Variants in DISP2 observed in about 807,000 individuals in gnomAD.
DISP2 encodes dispatched RND transporter family member 2.
A neutral mutation model predicts 95.5 loss-of-function variants in DISP2; 59 were observed. The observed-to-expected ratio is 0.62, with a 90% CI of 0.50 to 0.77. DISP2 has a LOEUF of 0.77. Ranked by LOEUF, DISP2 falls within the 30% of genes least tolerant of loss-of-function variation. The pLI is 0.00. For synonymous variants in DISP2, 827 were observed against 815.0 expected (o/e 1.01, Z -0.25); for missense variants, 1,752 against 1,854.6 (o/e 0.94, Z 1.02).
intron 6 of DISP2, 133 bp from the exon 7 acceptor site, chr15:40,365,495 A>G: frequency 7.8e-7 from 1 of 1,281,026 alleles, no homozygotes; most frequent in Non-Finnish European, 1.1e-6. Flanking sequence ...GGACAGGATC[A>G]GGCAGTCCAT....
intron 7 of DISP2, 109 bp from the exon 8 acceptor site, chr15:40,366,949 T>C (rs1329346252): frequency 7.1e-7 from 1 of 1,411,980 alleles, no homozygotes; most frequent in Admixed American, 2.2e-5. Flanking sequence ...GATCCCTCTC[T>C]GCGCTTGCCC....
chr15:40,369,495 C>T lies in DISP2; in HGVS notation c.3383C>T (p.Ala1128Val), dbSNP rs1385966578. The T allele has an allele frequency of 6.2e-7, 1 of 1,613,188 alleles. No homozygotes were observed. Among genetic ancestry groups the T allele is most frequent in the East Asian group, 2.2e-5 (1 of 44,886 alleles). ...KNCGQILWPC[A>V]HLPWDAGTGD... is the part of the protein sequence containing the mutation. ...TGTGGGCAGATCCTCTGGCCCTGTG[C>T]CCACCTGCCATGGGATGCTGGTACT... Residue 1128 changes from alanine to valine, a missense_variant, in exon 8 of 8, where the codon GCC becomes GTC. Physicochemically the swap from Ala to Val is moderately conservative, Grantham distance 64. Transcript: ENST00000267889.
Position 40,367,491 on chromosome 15 carries a change from G to A in DISP2, c.1379G>A (p.Trp460Ter). The change falls in exon 8 of 8, where the codon TGG becomes TAG. Residue 460 changes from tryptophan to a stop codon, truncating the protein, a stop_gained. Coordinates refer to ENST00000267889, the MANE Select transcript of DISP2 (RefSeq NM_033510.3). LOFTEE classifies it high-confidence loss of function. ...TACCTGGACCGGCTGGCCACCCCCT[G>A]GGGGCTTGCTGACAACTACACCTCT... ...DIYLDRLATP[W>*]GLADNYTSVT... 1.2e-6 allele frequency: 2 copies of A among 1,613,644 alleles called. No individual in the cohort carries two copies. Among genetic ancestry groups the A allele is most frequent in the Non-Finnish European group, 1.7e-6 (2 of 1,179,962 alleles).
At chr15:40,363,500 G>T in intron 1 of DISP2, 125 bp from the exon 2 acceptor site, 1 of 716,246 alleles carries the variant, frequency 1.4e-6, no homozygotes, top group South Asian at 2.3e-5. Flanking sequence ...TTCTCCCCCA[G>T]GACTAATAAA....
Position 40,367,497 on chromosome 15 carries a change from T to C in DISP2, c.1385T>C (p.Leu462Pro), listed in dbSNP as rs1288522190. Reference protein sequence around the residue: ...YLDRLATPWGLADNYTSVTGM... With the variant: ...YLDRLATPWGPADNYTSVTGM... ...GACCGGCTGGCCACCCCCTGGGGGC[T>C]TGCTGACAACTACACCTCTGTCACT... The change falls in exon 8 of 8, where the codon CTT (leucine) becomes CCT (proline). Residue 462 changes from leucine (L) to proline (P), a missense_variant. Transcript: ENST00000267889. The C allele has an allele frequency of 1.9e-6, 3 of 1,613,736 alleles. No homozygotes were observed. Among genetic ancestry groups the C allele is most frequent in the South Asian group, 2.2e-5 (2 of 91,072 alleles).
rs763603783 is a variant in DISP2 at position 40,368,333 on chromosome 15, C to A, written c.2221C>A (p.Arg741=). The A allele has an allele frequency of 1.2e-6, 2 of 1,603,548 alleles. No individual in the cohort carries two copies. Among genetic ancestry groups the A allele is most frequent in the Admixed American group, 1.7e-5 (1 of 59,740 alleles). The part of the protein sequence containing the change: ...TLPPPGGQVF[R]PSHPFERFDA... ...GCCGCCGCCCGGCGGCCAGGTCTTC[C>A]GGCCCAGCCACCCCTTCGAGCGCTT... Residue 741 remains arginine (R), a synonymous_variant, in exon 8 of 8, where the codon CGG becomes AGG. Transcript: ENST00000267889.
rs1332774882 is a variant in DISP2, at chr15:40,372,827, G to A, written c.*2509G>A. ...CCACTGAAATGTTAGAATGCAGAGG[G>A]GTGGATGGGTGGGCATGAGGGATCT... On this transcript the variant is annotated 3_prime_UTR_variant, in exon 8 of 8. Transcript: ENST00000267889. 6.6e-6 allele frequency: 1 copy of A among 152,210 alleles called. No individual in the cohort carries two copies. 9.4% of individuals were successfully genotyped at this position (152,210 alleles called of 1,614,324 possible).
rs34088794 is a variant in DISP2, at chr15:40,373,219, G to A, written c.*2901G>A. 0.089 allele frequency: 13,502 copies of A among 152,204 alleles called. 818 individuals carry two copies. Among genetic ancestry groups the A allele is most frequent in the Non-Finnish European group, 0.13 (8,617 of 68,006 alleles). 9.4% of individuals were successfully genotyped at this position (152,204 alleles called of 1,614,324 possible). A position where few individuals can be genotyped will look rare whatever the true frequency, so the allele number is the denominator to read the frequency against. On this transcript the variant is annotated 3_prime_UTR_variant, in exon 8 of 8. Transcript: ENST00000267889. The stretch of plus-strand genomic sequence containing the variant: ...CCCTGGAGACATGGCTTACAAGCAC[G>A]CTGTGAGGCGTACAAAAATGAGTCA...
At position 40,378,466 on chromosome 15, in the gene DISP2, C is replaced by T. The variant is rs928003383; in HGVS notation, c.*8148C>T. The T allele has an allele frequency of 6.6e-6, 1 of 151,982 alleles. No homozygotes were observed. The highest frequency in any genetic ancestry group is 2.4e-5 in the African/African-American group (1 of 41,384). The allele number at this position is 151,982 out of a possible 1,614,324, so 9.4% of individuals were successfully genotyped here. ...TAATTTCTAAACTTATCAAATTGTACACTTAAAATATGTGGTCTATGGAAT... is the reference window on the plus strand; with the variant it reads ...TAATTTCTAAACTTATCAAATTGTATACTTAAAATATGTGGTCTATGGAAT... On this transcript the variant is annotated 3_prime_UTR_variant, in exon 8 of 8. Transcript: ENST00000267889.
intron 1 of DISP2, among the ~76,000 whole-genome samples, chr15:40,362,079 T>G (rs1889414511): frequency 6.6e-6 from 1 of 152,182 alleles, no homozygotes; most frequent in Non-Finnish European, 1.5e-5. Context: ...ATGCACAGAG[T>G]ATTGCCCTTA....
chr15:40,377,289 A>C lies in DISP2; in HGVS notation c.*6971A>C, dbSNP rs894910961. The stretch of plus-strand genomic sequence containing the variant: ...CAGTGAGCCGAGATTGCGCCACTGC[A>C]CTCCATCCTGGGCAACAGAGTCTCA... On this transcript the variant is annotated 3_prime_UTR_variant, in exon 8 of 8. Coordinates refer to ENST00000267889, the MANE Select transcript of DISP2 (RefSeq NM_033510.3). The C allele has an allele frequency of 6.7e-6, 1 of 150,110 alleles. No homozygotes were observed. The highest frequency in any genetic ancestry group is 1.5e-5 in the Non-Finnish European group (1 of 67,822). 9.3% of individuals were successfully genotyped at this position (150,110 alleles called of 1,614,324 possible). A position where few individuals can be genotyped will look rare whatever the true frequency, so the allele number is the denominator to read the frequency against.
In DISP2 at chr15:40,368,841, A is replaced by C. The variant is rs1424167053; in HGVS notation, c.2729A>C (p.Asn910Thr). ...GCCCTGGTCCTACAATTCCAGACCA[A>C]CTTCCGGAACAGTCCGGACTACAAC... ...LAALVLQFQTNFRNSPDYNQT... is the reference protein window; with the variant it reads ...LAALVLQFQTTFRNSPDYNQT... The change falls in exon 8 of 8, where the codon AAC becomes ACC. Residue 910 changes from asparagine to threonine, a missense_variant. By Grantham distance (65) the Asn-to-Thr change is moderately conservative. Coordinates refer to ENST00000267889, the MANE Select transcript of DISP2 (RefSeq NM_033510.3). 1 of 1,613,992 alleles carries C rather than the reference A, an allele frequency of 6.2e-7. No homozygotes were observed. The highest frequency in any genetic ancestry group is 8.5e-7 in the Non-Finnish European group (1 of 1,180,042).
In DISP2 at chr15:40,367,931, A is replaced by G. The variant is rs749673495; in HGVS notation, c.1819A>G (p.Ser607Gly). The G allele has an allele frequency of 6.3e-7, 1 of 1,591,614 alleles. No individual in the cohort carries two copies. The highest frequency in any genetic ancestry group is 8.5e-7 in the Non-Finnish European group (1 of 1,176,802). The change falls in exon 8 of 8, where the codon AGC becomes GGC. Residue 607 changes from serine (S) to glycine (G), a missense_variant. By Grantham distance (56) the Ser-to-Gly change is moderately conservative. Transcript: ENST00000267889. ...CACCACGAGCGCGGCCTTCTATGCC[A>G]GCTACCTGAGCCGCCTGCCGGCCGT... ...GLTTSAAFYA[S>G]YLSRLPAVRC...
At position 40,377,060 on chromosome 15, in the gene DISP2, C is replaced by T. The variant is rs1392502942; in HGVS notation, c.*6742C>T. 1 of 152,168 alleles carries T rather than the reference C, an allele frequency of 6.6e-6. No homozygotes were observed. The highest frequency in any genetic ancestry group is 1.5e-5 in the Non-Finnish European group (1 of 68,070). The allele number at this position is 152,168 out of a possible 1,614,324, so 9.4% of individuals were successfully genotyped here. On this transcript the variant is annotated 3_prime_UTR_variant, in exon 8 of 8. Coordinates refer to ENST00000267889, the MANE Select transcript of DISP2 (RefSeq NM_033510.3). ...AGACTGAAGGCTGGGCGTGGTGGCT[C>T]ATGCCTGTAATCCCAACACTTTGGG...
At position 40,368,413 on chromosome 15, in the gene DISP2, C is replaced by T. The variant is rs772384191; in HGVS notation, c.2301C>T (p.Gly767=). 6.2e-7 allele frequency: 1 copy of T among 1,608,760 alleles called. No homozygotes were observed. The highest frequency in any genetic ancestry group is 8.5e-7 in the Non-Finnish European group (1 of 1,179,838). Residue 767 remains glycine (G), a synonymous_variant, in exon 8 of 8, where the codon GGC becomes GGT. Transcript: ENST00000267889. ...TCGAGCAGCTGCCGCAGGGCGAGGGCGGCCACATGCCCGTGGTTTTGGTGT... is the reference window on the plus strand; with the variant it reads ...TCGAGCAGCTGCCGCAGGGCGAGGGTGGCCACATGCCCGTGGTTTTGGTGT... The part of the protein sequence containing the change: ...FLFEQLPQGE[G]GHMPVVLVWG...
chr15:40,366,926 A>T, intron 7 of DISP2, 132 bp from the exon 8 acceptor site: 3 of 1,212,264 alleles, frequency 2.5e-6, no homozygotes, highest in Non-Finnish European at 3.4e-6. Context: ...AGCCTATCTC[A>T]CCAGGCTGTC....
chr15:40,366,953 C>T (rs1412901307), intron 7 of DISP2, 105 bp from the exon 8 acceptor site: 7 of 1,437,532 alleles, frequency 4.9e-6, no homozygotes, highest in Non-Finnish European at 6.5e-6. Flanking sequence ...CCTCTCTGCG[C>T]TTGCCCTGTA....
Position 40,367,312 on chromosome 15 carries a change from C to A in DISP2, c.1200C>A (p.Thr400=), listed in dbSNP as rs769895587. 1.9e-6 allele frequency: 3 copies of A among 1,613,722 alleles called. No homozygotes were observed. Among genetic ancestry groups the A allele is most frequent in the Non-Finnish European group, 1.7e-6 (2 of 1,179,968 alleles). ...NKSPRCAQVP[T]KCSQSSAIYQ... is the part of the protein sequence containing the mutation. ...CCCCACGCTGTGCCCAGGTTCCCAC[C>A]AAGTGCTCCCAGAGTAGTGCCATCT... Residue 400 remains threonine (T), a synonymous_variant, in exon 8 of 8, where the codon ACC becomes ACA. Transcript: ENST00000267889.
At position 40,367,948 on chromosome 15, in the gene DISP2, G is replaced by A; in HGVS notation, c.1836G>A (p.Leu612=). The change falls in exon 8 of 8, where the codon CTG becomes CTA. Residue 612 remains leucine (L), a synonymous_variant. Transcript: ENST00000267889. ...TCTATGCCAGCTACCTGAGCCGCCT[G>A]CCGGCCGTTCGCTGCCTCGCCCTCT... The part of the protein sequence containing the change: ...AAFYASYLSR[L]PAVRCLALFM... 1.9e-6 allele frequency: 3 copies of A among 1,584,276 alleles called. No homozygotes were observed. Among genetic ancestry groups the A allele is most frequent in the Non-Finnish European group, 2.6e-6 (3 of 1,173,304 alleles).
Sources: gnomAD v4.1 joint callset for allele counts (sites outside exome capture counted in the v4.1 genomes callset) on GRCh38, gnomAD v4.1.1 for gene constraint, MANE v1.5 for transcripts, NCBI Gene and HGNC (gene_info 2026-07-23, HGNC 2026-07-21) for gene names.